ZBTB20: variants seen among roughly 807,000 people sequenced by gnomAD.
The protein encoded by ZBTB20 is zinc finger and BTB domain-containing protein 20.
In ZBTB20, 9 loss-of-function variants were observed where a neutral mutation model predicts 56.9. The observed-to-expected ratio is 0.16, with a 90% CI of 0.10 to 0.28. The LOEUF (loss-of-function observed/expected upper bound fraction) is 0.28, where lower values mean the gene tolerates loss of function less well. ZBTB20 is among the 10% of genes least tolerant of loss of function. The pLI is 1.00. For missense variants in ZBTB20, 655 were observed against 1,003.0 expected, an observed-to-expected ratio of 0.65 and a Z score of 4.69; for synonymous variants, 417 against 420.7, an observed-to-expected ratio of 0.99 and a Z score of 0.11.
At chr3:115,079,902 A>G (rs78981022) in intron 1 of ZBTB20, among the ~76,000 whole-genome samples, 1 of 152,276 alleles carries the variant, frequency 6.6e-6, no homozygotes, top group South Asian at 2.1e-4. Context: ...AGTGCCTACA[A>G]TGTGCTGGGG....
chr3:115,091,301 T>C (rs1365812379), intron 1 of ZBTB20, among the ~76,000 whole-genome samples: 4 of 151,842 alleles, frequency 2.6e-5, no homozygotes, highest in African/African-American at 9.7e-5. Flanking sequence ...CTTTAAAAAG[T>C]ACAACTAAAT....
intron 6 of ZBTB20, among the ~76,000 whole-genome samples, chr3:114,608,224 T>G (rs889636407): frequency 2.0e-5 from 3 of 152,208 alleles, no homozygotes; most frequent in Non-Finnish European, 4.4e-5. Flanking sequence ...GGGAAGAGCA[T>G]AGGAAGAAAT....
intron 3 of ZBTB20, chr3:114,904,504 A>G (rs1015872028): frequency 6.6e-6 from 1 of 152,040 alleles, no homozygotes; most frequent in Non-Finnish European, 1.5e-5. Flanking sequence ...TTTAATATGT[A>G]TTTAGTCCTT....
At chr3:115,005,583 T>C (rs1454551528) in intron 2 of ZBTB20, among the ~76,000 whole-genome samples, 1 of 151,828 alleles carries the variant, frequency 6.6e-6, no homozygotes, top group African/African-American at 2.4e-5. Context: ...AACATCTCTT[T>C]GCATTAATAT....
At chr3:114,677,533 T>C (rs2061699450) in intron 6 of ZBTB20, among the ~76,000 whole-genome samples, 1 of 152,192 alleles carries the variant, frequency 6.6e-6, no homozygotes, top group Non-Finnish European at 1.5e-5. Context: ...CCTGATGATC[T>C]GAGGTGGAAC....
chr3:115,075,965 G>T (rs1345079498), intron 1 of ZBTB20, among the ~76,000 whole-genome samples: 1 of 151,928 alleles, frequency 6.6e-6, no homozygotes, highest in African/African-American at 2.4e-5. Context: ...AAAATCAGCT[G>T]CATTTCTATA....
chr3:114,647,441 T>A (rs1313836614), intron 6 of ZBTB20, among the ~76,000 whole-genome samples: 1 of 152,158 alleles, frequency 6.6e-6, no homozygotes, highest in Non-Finnish European at 1.5e-5. Context: ...ACCAAAAATA[T>A]GAAGCCATGG....
At chr3:114,705,213 A>G (rs79244029) in intron 5 of ZBTB20, among the ~76,000 whole-genome samples, 222 of 152,246 alleles carry the variant, frequency 1.5e-3, no homozygotes, top group Non-Finnish European at 2.6e-3. Context: ...CCACAGCCTG[A>G]TAGTCTTAGA....
At chr3:114,387,484 G>A (rs1486190698) in intron 8 of ZBTB20, 1 of 152,170 alleles carries the variant, frequency 6.6e-6, no homozygotes, top group African/African-American at 2.4e-5. Context: ...TCCTACGACA[G>A]GAATACATGC....
chr3:114,714,936 A>G (rs561655712), intron 5 of ZBTB20, among the ~76,000 whole-genome samples: 1 of 152,304 alleles, frequency 6.6e-6, no homozygotes, highest in African/African-American at 2.4e-5. Flanking sequence ...TTCTCACACC[A>G]CTATAAAAAA....
intron 4 of ZBTB20, among the ~76,000 whole-genome samples, chr3:114,834,576 A>T (rs2074024001): frequency 6.6e-6 from 1 of 152,150 alleles, no homozygotes; most frequent in Non-Finnish European, 1.5e-5. Context: ...TTGGTGCTAA[A>T]ATATTTTATT....
At chr3:114,456,913 C>T (rs746707786) in intron 7 of ZBTB20, among the ~76,000 whole-genome samples, 1 of 152,230 alleles carries the variant, frequency 6.6e-6, no homozygotes, top group Admixed American at 6.5e-5. Context: ...AAATGTCAGG[C>T]ACGTGGGAGC....
In ZBTB20 at chr3:115,058,740, C is replaced by T. The variant is rs150849793; in HGVS notation, c.-507+12479G>A. Among the ~76,000 whole-genome samples, 179 of 152,144 alleles carry T rather than the reference C, an allele frequency of 1.2e-3. 1 individual carries two copies. Among genetic ancestry groups the T allele is most frequent in the African/African-American group, 4.2e-3 (174 of 41,510 alleles). On this transcript the variant is annotated intron_variant, in intron 2 of 11. Coordinates refer to ENST00000675478, the MANE Select transcript of ZBTB20 (RefSeq NM_001348800.3). Reference sequence around the variant, plus strand: ...AAGACTCCATATATATATATTTCAGCCTTTGATTGTCCAAGTAATTTTTCT... The same window carrying T: ...AAGACTCCATATATATATATTTCAGTCTTTGATTGTCCAAGTAATTTTTCT...
Position 114,326,434 on chromosome 3 carries a change from C to T in ZBTB20, c.*12571G>A, listed in dbSNP as rs1051109782. On this transcript the variant is annotated 3_prime_UTR_variant, in exon 12 of 12. Transcript: ENST00000675478. ...CTCAAAGTAAAGAGAGAATTTCTCTCTTAAAAGCTCATGAGTGCTATTTGA... is the reference window on the plus strand; with the variant it reads ...CTCAAAGTAAAGAGAGAATTTCTCTTTTAAAAGCTCATGAGTGCTATTTGA... 2 of 152,088 alleles carry T rather than the reference C, an allele frequency of 1.3e-5. No individual in the cohort carries two copies. The highest frequency in any genetic ancestry group is 4.8e-5 in the African/African-American group (2 of 41,414). 9.4% of individuals were successfully genotyped at this position (152,088 alleles called of 1,614,324 possible).
At chr3:114,684,294 CT>C (rs1219725804) in intron 6 of ZBTB20, among the ~76,000 whole-genome samples, 19 of 152,148 alleles carry the variant, frequency 1.2e-4, no homozygotes, top group African/African-American at 4.3e-4. Context: ...TCCCAAAATG[CT>C]GACGCATTTT....
chr3:114,817,335 A>G (rs929171805), intron 4 of ZBTB20, among the ~76,000 whole-genome samples: 3 of 151,996 alleles, frequency 2.0e-5, no homozygotes, highest in African/African-American at 7.3e-5. Flanking sequence ...CCTGACCAAC[A>G]TGGAGAAACC....
At chr3:114,573,463 GAAA>G (rs1173999269) in intron 6 of ZBTB20, among the ~76,000 whole-genome samples, 2 of 34,352 alleles carry the variant, frequency 5.8e-5, no homozygotes, top group Non-Finnish European at 1.3e-4. Flanking sequence ...CAACAAAAAA[GAAA>G]AAAAAAAAAA....
chr3:115,030,590 A>T (rs1420523362), intron 2 of ZBTB20, among the ~76,000 whole-genome samples: 1 of 151,126 alleles, frequency 6.6e-6, no homozygotes, highest in Non-Finnish European at 1.5e-5. Context: ...TAACATCAAT[A>T]GGGAGACAAA....
chr3:114,705,635 AT>A (rs1341722481), intron 5 of ZBTB20, among the ~76,000 whole-genome samples: 3 of 152,294 alleles, frequency 2.0e-5, no homozygotes, highest in African/African-American at 4.8e-5. Flanking sequence ...AAAATTTGGT[AT>A]TTTTTTCCCC....
Sources: gnomAD v4.1 joint callset for allele counts (sites outside exome capture counted in the v4.1 genomes callset) on GRCh38, gnomAD v4.1.1 for gene constraint, MANE v1.5 for transcripts, NCBI Gene and HGNC (gene_info 2026-07-23, HGNC 2026-07-21) for gene names.